The following EXOC6B variants were observed in gnomAD, a reference collection of about 807,000 sequenced individuals.
EXOC6B encodes the protein exocyst complex component 6B, also known as SEC15 homolog B.
A neutral mutation model predicts 113.5 loss-of-function variants in EXOC6B; 54 were observed. The ratio of observed to expected loss-of-function variants is 0.48; its 90% CI spans 0.38 to 0.60. The LOEUF (loss-of-function observed/expected upper bound fraction) is 0.60, where lower values mean the gene tolerates loss of function less well. Ranked by LOEUF, EXOC6B falls within the 20% of genes least tolerant of loss-of-function variation. The probability of loss-of-function intolerance (pLI) is 0.00; values close to 1 mark genes in which losing one functional copy is unlikely to be tolerated. For synonymous variants in EXOC6B, 357 were observed against 339.0 expected (o/e 1.05, Z -0.58); for missense variants, 797 against 977.5 (o/e 0.82, Z 2.46).
chr2:72,744,722 T>C (rs551648738), intron 1 of EXOC6B, among the ~76,000 whole-genome samples: 22 of 152,178 alleles, frequency 1.4e-4, no homozygotes, highest in Non-Finnish European at 2.4e-4. Flanking sequence ...TTCATTCTAC[T>C]GGGTAAAACT....
In EXOC6B at chr2:72,458,754, C is replaced by T. The variant is rs571913802; in HGVS notation, c.1980+6406G>A. Among the ~76,000 whole-genome samples, 11 of 152,202 alleles carry T rather than the reference C, an allele frequency of 7.2e-5. No individual in the cohort carries two copies. In the East Asian group the frequency reaches 2.1e-3, roughly 29 times the overall value. ...TCACAACTCTACAGGTAAAAGCATG[C>T]ATTTTAATTCAGACAAGCACCAGGT... is the stretch of plus-strand genomic sequence containing the variant. On this transcript the variant is annotated intron_variant, in intron 18 of 21. Transcript: ENST00000272427.
intron 1 of EXOC6B, among the ~76,000 whole-genome samples, chr2:72,799,525 G>A (rs1238726109): frequency 6.7e-6 from 1 of 149,718 alleles, no homozygotes; most frequent in Non-Finnish European, 1.5e-5. Flanking sequence ...AGCTATGATG[G>A]CACCACTGCA....
chr2:72,401,498 TATATATATATATATATACATATATAC>T (rs1693160393), intron 18 of EXOC6B, among the ~76,000 whole-genome samples: 1 of 56,360 alleles, frequency 1.8e-5, no homozygotes, highest in Non-Finnish European at 2.7e-5. Context: ...TATATACATA[TATATATATATATATATACATATATAC>T]ATATATATAT....
chr2:72,468,331 T>G (rs1392373023), intron 17 of EXOC6B, among the ~76,000 whole-genome samples: 2 of 152,190 alleles, frequency 1.3e-5, no homozygotes. Flanking sequence ...ATATATGGTG[T>G]GAGATGAGGA....
chr2:72,374,897 A>G (rs1210124384), intron 19 of EXOC6B, among the ~76,000 whole-genome samples: 1 of 151,606 alleles, frequency 6.6e-6, no homozygotes, highest in Non-Finnish European at 1.5e-5. Context: ...GTCACACTGA[A>G]TAAAAAAGCA....
chr2:72,767,808 TAAAAAAAAAAAAAA>T (rs34358568), intron 1 of EXOC6B, among the ~76,000 whole-genome samples: 6 of 12,680 alleles, frequency 4.7e-4, no homozygotes, highest in Admixed American at 3.9e-3. Context: ...GAGACCTTGT[TAAAAAAAAAAAAAA>T]AAAAAAAAAA....
At chr2:72,608,220 G>A (rs751691711) in intron 6 of EXOC6B, among the ~76,000 whole-genome samples, 1 of 151,998 alleles carries the variant, frequency 6.6e-6, no homozygotes, top group Non-Finnish European at 1.5e-5. Context: ...AAGGAATTTG[G>A]AAAAGCCGTA....
At chr2:72,615,235 GATATA>G (rs1350053463) in intron 6 of EXOC6B, among the ~76,000 whole-genome samples, 11 of 152,110 alleles carry the variant, frequency 7.2e-5, no homozygotes, top group South Asian at 2.1e-4. Flanking sequence ...TAAACACACT[GATATA>G]ATATACATAT....
chr2:72,410,484 C>T (rs942885779), intron 18 of EXOC6B, among the ~76,000 whole-genome samples: 4 of 152,166 alleles, frequency 2.6e-5, no homozygotes, highest in African/African-American at 9.7e-5. Context: ...ATTGCTGCCA[C>T]AAGCAAAAGG....
chr2:72,585,950 A>G (rs1312560424), intron 6 of EXOC6B, among the ~76,000 whole-genome samples: 4 of 152,168 alleles, frequency 2.6e-5, no homozygotes, highest in Non-Finnish European at 5.9e-5. Context: ...AAAGCCACAC[A>G]CCTACAACCA....
intron 18 of EXOC6B, among the ~76,000 whole-genome samples, chr2:72,446,552 T>C (rs1431131447): frequency 1.3e-5 from 2 of 152,220 alleles, no homozygotes; most frequent in East Asian, 3.9e-4. Context: ...TTCTCACTTG[T>C]AAGTGGGAGA....
chr2:72,457,231 C>T lies in EXOC6B; in HGVS notation c.1980+7929G>A, dbSNP rs115588389. Among the ~76,000 whole-genome samples, 1,460 of 152,170 alleles carry T rather than the reference C, an allele frequency of 9.6e-3. 20 individuals carry two copies. Among genetic ancestry groups the T allele is most frequent in the African/African-American group, 0.033 (1,364 of 41,524 alleles). On this transcript the variant is annotated intron_variant, in intron 18 of 21. Transcript: ENST00000272427. ...GACAGTTTGTACTGACAGTTCTTCA[C>T]TAGCAGCATAATTTGGTTAGGTCGG...
chr2:72,514,605 A>AATATATAT (rs58454184), intron 10 of EXOC6B, 29 bp downstream of exon 10: 39 of 151,616 alleles, frequency 2.6e-4, no homozygotes, highest in South Asian at 9.0e-4. Context: ...TAAATAAATA[A>AATATATAT]ATATATATAT....
At chr2:72,810,630 T>G (rs1289474454) in intron 1 of EXOC6B, among the ~76,000 whole-genome samples, 1 of 152,038 alleles carries the variant, frequency 6.6e-6, no homozygotes, top group Non-Finnish European at 1.5e-5. Context: ...ATCAATAAAA[T>G]TTAAAACAGA....
chr2:72,687,433 C>T (rs1677170803), intron 6 of EXOC6B, among the ~76,000 whole-genome samples: 1 of 152,032 alleles, frequency 6.6e-6, no homozygotes, highest in Non-Finnish European at 1.5e-5. Flanking sequence ...ACTAAGCTCA[C>T]CTCCCTCCTC....
intron 20 of EXOC6B, among the ~76,000 whole-genome samples, chr2:72,253,609 C>T (rs187341253): frequency 6.6e-6 from 1 of 152,254 alleles, no homozygotes; most frequent in East Asian, 1.9e-4. Context: ...AAACCAAACA[C>T]CGCATGTTCT....
At position 72,614,090 on chromosome 2, in the gene EXOC6B, A is replaced by G. The variant is rs1216929888; in HGVS notation, c.670-38422T>C. 2.0e-5 allele frequency among the ~76,000 whole-genome samples: 3 copies of G among 152,238 alleles called. No homozygotes were observed. The East Asian group carries it at 5.8e-4, about 29-fold the overall frequency. Reference sequence around the variant, plus strand: ...ATCTGTAAAGTCTAAAACATTCTCTATCTGGCCGTTTATGGAAAAACGGTT... The same window carrying G: ...ATCTGTAAAGTCTAAAACATTCTCTGTCTGGCCGTTTATGGAAAAACGGTT... On this transcript the variant is annotated intron_variant, in intron 6 of 21. Coordinates refer to ENST00000272427, the MANE Select transcript of EXOC6B (RefSeq NM_015189.3).
chr2:72,593,991 CTGT>C (rs1706147774), intron 6 of EXOC6B, among the ~76,000 whole-genome samples: 1 of 152,026 alleles, frequency 6.6e-6, no homozygotes, highest in Non-Finnish European at 1.5e-5. Context: ...GTTGTTGTTG[CTGT>C]TGTTAAGACA....
intron 6 of EXOC6B, among the ~76,000 whole-genome samples, chr2:72,624,710 C>G (rs1261105228): frequency 6.6e-6 from 1 of 152,186 alleles, no homozygotes; most frequent in Non-Finnish European, 1.5e-5. Context: ...TGCACCACTG[C>G]ACTCCAGCGT....
Sources: allele counts gnomAD v4.1 joint callset (sites outside exome capture counted in the v4.1 genomes callset), GRCh38; gene constraint gnomAD v4.1.1; transcripts MANE v1.5; gene names NCBI Gene and HGNC (gene_info 2026-07-23, HGNC 2026-07-21).